GABBR2: variants seen among roughly 807,000 people sequenced by gnomAD.
GABBR2 encodes G-protein coupled receptor 51.
GABBR2 carries 23 observed loss-of-function variants against 105.6 expected under a neutral mutation model. That is an observed-to-expected ratio of 0.22 (90% CI 0.16 to 0.31). GABBR2 has a LOEUF of 0.31. Among genes scored for constraint, GABBR2 ranks in the 10% least tolerant of loss-of-function variants. GABBR2 has a pLI of 1.00. For missense variants in GABBR2, 734 were observed against 1,245.5 expected (o/e 0.59, Z 6.18); for synonymous variants, 478 against 499.7 (o/e 0.96, Z 0.58).
chr9:98,382,235 C>T (rs774329), intron 11 of GABBR2, among the ~76,000 whole-genome samples: 11,314 of 152,160 alleles, frequency 0.074, 563 homozygotes, highest in South Asian at 0.16. Context: ...TTTGCTCCAC[C>T]GGTTCTCAAC....
chr9:98,355,967 G>A (rs778215302), intron 13 of GABBR2, among the ~76,000 whole-genome samples: 2 of 152,296 alleles, frequency 1.3e-5, no homozygotes, highest in East Asian at 1.9e-4. Flanking sequence ...AGAAAAGATC[G>A]TCTTTTCAGC....
At chr9:98,377,707 T>C (rs1229203698) in intron 11 of GABBR2, among the ~76,000 whole-genome samples, 1 of 152,134 alleles carries the variant, frequency 6.6e-6, no homozygotes, top group Non-Finnish European at 1.5e-5. Context: ...GAGGCCATCA[T>C]CTGCTTATTG....
chr9:98,462,534 T>C (rs1251107994), intron 6 of GABBR2, among the ~76,000 whole-genome samples: 2 of 152,184 alleles, frequency 1.3e-5, no homozygotes, highest in Admixed American at 1.3e-4. Flanking sequence ...AAATGGCCAA[T>C]GAAGATATGA....
At chr9:98,356,446 A>G (rs140174126) in intron 13 of GABBR2, among the ~76,000 whole-genome samples, 5 of 152,350 alleles carry the variant, frequency 3.3e-5, no homozygotes, top group East Asian at 1.9e-4. Flanking sequence ...GGAATTGCAA[A>G]TTATAACAAT....
At chr9:98,392,504 C>T (rs1374030612) in intron 9 of GABBR2, among the ~76,000 whole-genome samples, 1 of 152,128 alleles carries the variant, frequency 6.6e-6, no homozygotes, top group Non-Finnish European at 1.5e-5. Context: ...GGGAGGCTCA[C>T]CTGAGTGTGG....
At chr9:98,322,070 C>A (rs554326115) in intron 13 of GABBR2, among the ~76,000 whole-genome samples, 6 of 152,192 alleles carry the variant, frequency 3.9e-5, no homozygotes, top group African/African-American at 1.4e-4. Context: ...CTGAATTGCT[C>A]CCCCATCATT....
At chr9:98,542,412 T>A (rs1214546488) in intron 2 of GABBR2, among the ~76,000 whole-genome samples, 1 of 152,204 alleles carries the variant, frequency 6.6e-6, no homozygotes, top group Non-Finnish European at 1.5e-5. Flanking sequence ...ACGGTATCCT[T>A]AAAAACTCTT....
At chr9:98,299,451 C>A in intron 16 of GABBR2, 98 bp from the exon 17 acceptor site, 1 of 1,349,520 alleles carries the variant, frequency 7.4e-7, no homozygotes. Flanking sequence ...GGGCCTTTAC[C>A]TGTATTCAGG....
At chr9:98,370,816 G>T (rs561562455) in intron 12 of GABBR2, among the ~76,000 whole-genome samples, 1 of 152,150 alleles carries the variant, frequency 6.6e-6, no homozygotes, top group East Asian at 1.9e-4. Context: ...TCAAGGTCTG[G>T]CAACATCATA....
intron 8 of GABBR2, among the ~76,000 whole-genome samples, chr9:98,401,525 C>T (rs1832394719): frequency 6.6e-6 from 1 of 152,146 alleles, no homozygotes; most frequent in Non-Finnish European, 1.5e-5. Flanking sequence ...GAAAAGAGTC[C>T]ACATTTCCGT....
chr9:98,510,121 T>C lies in GABBR2; in HGVS notation c.631-13607A>G, dbSNP rs1827606273. 1.3e-5 allele frequency among the ~76,000 whole-genome samples: 2 copies of C among 152,238 alleles called. 1 individual carries two copies. Among genetic ancestry groups the C allele is most frequent in the African/African-American group, 4.8e-5 (2 of 41,462 alleles). On this transcript the variant is annotated intron_variant, in intron 3 of 18. Coordinates refer to ENST00000259455, the MANE Select transcript of GABBR2 (RefSeq NM_005458.8). ...AGAGAGTGGGGACCAATATTCAACA[T>C]TCTTAAAGAAAAGAATTTTCAACCC...
At chr9:98,455,162 T>C (rs1469107296) in intron 6 of GABBR2, among the ~76,000 whole-genome samples, 2 of 152,206 alleles carry the variant, frequency 1.3e-5, no homozygotes, top group Non-Finnish European at 2.9e-5. Context: ...AAAAAGATTT[T>C]TTTTTCTCCC....
At chr9:98,619,458 A>T (rs1829638725) in intron 1 of GABBR2, among the ~76,000 whole-genome samples, 1 of 152,196 alleles carries the variant, frequency 6.6e-6, no homozygotes, top group Non-Finnish European at 1.5e-5. Flanking sequence ...CTAGCTCTAA[A>T]ATTCTATTAT....
At chr9:98,542,116 G>A (rs942900134) in intron 2 of GABBR2, 73 bp from the exon 3 acceptor site, 1 of 1,273,508 alleles carries the variant, frequency 7.9e-7, no homozygotes, top group African/African-American at 1.5e-5. Context: ...TTTCCTACTG[G>A]AATAGAGACT....
At chr9:98,395,330 C>G (rs1832267081) in intron 8 of GABBR2, among the ~76,000 whole-genome samples, 1 of 152,004 alleles carries the variant, frequency 6.6e-6, no homozygotes, top group Non-Finnish European at 1.5e-5. Context: ...ATAATGAGTT[C>G]CATCTTGGAT....
At chr9:98,393,129 A>ACCATCCAT (rs1393330410) in intron 9 of GABBR2, among the ~76,000 whole-genome samples, 2 of 90,724 alleles carry the variant, frequency 2.2e-5, no homozygotes, top group Admixed American at 2.2e-4. Flanking sequence ...CATCCACCCA[A>ACCATCCAT]CCATCCATCC....
intron 7 of GABBR2, among the ~76,000 whole-genome samples, chr9:98,428,833 C>A (rs747559493): frequency 6.0e-4 from 91 of 152,130 alleles, no homozygotes; most frequent in Admixed American, 4.4e-3. Flanking sequence ...CTAGAATGGA[C>A]CTGGCCCAGG....
chr9:98,416,702 T>C (rs1486241742), intron 7 of GABBR2, among the ~76,000 whole-genome samples: 1 of 152,220 alleles, frequency 6.6e-6, no homozygotes, highest in Non-Finnish European at 1.5e-5. Flanking sequence ...TCCTCTGAGC[T>C]CCTGGGTTCT....
intron 13 of GABBR2, among the ~76,000 whole-genome samples, chr9:98,326,766 C>T (rs1830931926): frequency 6.6e-6 from 1 of 152,228 alleles, no homozygotes; most frequent in South Asian, 2.1e-4. Flanking sequence ...TACAGAAGGG[C>T]AATTACATTT....
Sources: gnomAD v4.1 joint callset for allele counts (sites outside exome capture counted in the v4.1 genomes callset) on GRCh38, gnomAD v4.1.1 for gene constraint, MANE v1.5 for transcripts, NCBI Gene and HGNC (gene_info 2026-07-23, HGNC 2026-07-21) for gene names.